The following ANO2 variants were observed in gnomAD, a reference collection of about 807,000 sequenced individuals.
The protein encoded by ANO2 is anoctamin-2.
In ANO2, 101 loss-of-function variants were observed where a neutral mutation model predicts 124.2. The ratio of observed to expected loss-of-function variants is 0.81; its 90% CI spans 0.69 to 0.96. ANO2 has a LOEUF of 0.96. Among genes scored for constraint, ANO2 ranks in the 40% least tolerant of loss-of-function variants. The probability of loss-of-function intolerance (pLI) is 0.00; values close to 1 mark genes in which losing one functional copy is unlikely to be tolerated. For missense variants in ANO2, 1,293 were observed against 1,274.5 expected, an observed-to-expected ratio of 1.01 and a Z score of -0.22; for synonymous variants, 486 against 482.5, an observed-to-expected ratio of 1.01 and a Z score of -0.09.
intron 16 of ANO2, among the ~76,000 whole-genome samples, chr12:5,624,284 G>GAGACAGAC (rs1174221851): frequency 6.6e-6 from 1 of 151,954 alleles, no homozygotes; most frequent in Non-Finnish European, 1.5e-5. Context: ...GACAGACAGA[G>GAGACAGAC]AGACAGACAG....
Position 5,925,627 on chromosome 12 carries a change from A to G in ANO2, c.23-2823T>C, listed in dbSNP as rs115267427. 7.2e-5 allele frequency among the ~76,000 whole-genome samples: 11 copies of G among 152,358 alleles called. No homozygotes were observed. The highest frequency in any genetic ancestry group is 2.6e-4 in the African/African-American group (11 of 41,596). ...TTGAGAACTCCCTAAGAAGCTTAGA[A>G]GAGGTGAATGAGGTCAATTAGAAGG... On this transcript the variant is annotated intron_variant, in intron 1 of 24. Coordinates refer to ENST00000682330, the MANE Select transcript of ANO2 (RefSeq NM_001364791.2). The surrounding 1 kb of genome is among the most constrained non-coding windows in gnomAD (Gnocchi z 4.6).
intron 14 of ANO2, among the ~76,000 whole-genome samples, chr12:5,675,004 CT>C (rs1948171078): frequency 6.6e-6 from 1 of 152,114 alleles, no homozygotes; most frequent in Non-Finnish European, 1.5e-5. Flanking sequence ...ACTCTGCAGC[CT>C]TACTGGAATG....
chr12:5,923,613 AG>A (rs1941941725), intron 1 of ANO2, among the ~76,000 whole-genome samples: 1 of 152,178 alleles, frequency 6.6e-6, no homozygotes, highest in African/African-American at 2.4e-5. Flanking sequence ...CAGGCCCCAG[AG>A]GTCTGCAGCC....
intron 10 of ANO2, among the ~76,000 whole-genome samples, chr12:5,798,510 G>A (rs1952940571): frequency 6.6e-6 from 1 of 152,126 alleles, no homozygotes; most frequent in Non-Finnish European, 1.5e-5. Context: ...TCCCAGCCCA[G>A]GGCAACCAGC....
intron 10 of ANO2, among the ~76,000 whole-genome samples, chr12:5,776,578 A>C (rs756542354): frequency 6.6e-6 from 1 of 152,218 alleles, no homozygotes; most frequent in Non-Finnish European, 1.5e-5. Context: ...GCTGATGTGC[A>C]TGAGAGACAT....
intron 20 of ANO2, among the ~76,000 whole-genome samples, chr12:5,596,230 C>T (rs1208009041): frequency 6.6e-6 from 1 of 152,046 alleles, no homozygotes; most frequent in Non-Finnish European, 1.5e-5. Context: ...GTTAAATAAG[C>T]CTTCACTGGA....
At chr12:5,745,827 A>G (rs1257010045) in intron 11 of ANO2, among the ~76,000 whole-genome samples, 1 of 152,210 alleles carries the variant, frequency 6.6e-6, no homozygotes, top group Non-Finnish European at 1.5e-5. Context: ...TTAATAATAC[A>G]TTCAGCTGTG....
At chr12:5,580,965 C>T (rs1397211257) in intron 20 of ANO2, among the ~76,000 whole-genome samples, 1 of 152,100 alleles carries the variant, frequency 6.6e-6, no homozygotes, top group African/African-American at 2.4e-5. Context: ...TGGCCAACAA[C>T]GATTGGAGGG....
chr12:5,816,116 C>T (rs961569870), intron 7 of ANO2, among the ~76,000 whole-genome samples: 1 of 150,788 alleles, frequency 6.6e-6, no homozygotes, highest in African/African-American at 2.4e-5. Context: ...CCTACGATTC[C>T]AAATCCAGTC....
At chr12:5,922,123 C>T (rs1049731837) in intron 2 of ANO2, among the ~76,000 whole-genome samples, 1 of 151,992 alleles carries the variant, frequency 6.6e-6, no homozygotes, top group Non-Finnish European at 1.5e-5. Context: ...CTGCTGTCTT[C>T]CACTCCAGAG....
chr12:5,581,954 G>A (rs931063323), intron 20 of ANO2, among the ~76,000 whole-genome samples: 1 of 152,196 alleles, frequency 6.6e-6, no homozygotes, highest in Non-Finnish European at 1.5e-5. Context: ...ATTTGGGGGA[G>A]AATAAAACAT....
At chr12:5,614,684 G>C (rs1175883843) in intron 17 of ANO2, among the ~76,000 whole-genome samples, 2 of 152,126 alleles carry the variant, frequency 1.3e-5, no homozygotes, top group African/African-American at 4.8e-5. Flanking sequence ...GTGAATTATT[G>C]AATCTGATGG....
At chr12:5,926,255 T>C (rs1591802847) in intron 1 of ANO2, among the ~76,000 whole-genome samples, 1 of 152,184 alleles carries the variant, frequency 6.6e-6, no homozygotes, top group East Asian at 1.9e-4. Context: ...CACCCTTCCA[T>C]GAGTCCCACC....
intron 7 of ANO2, among the ~76,000 whole-genome samples, chr12:5,812,023 C>T (rs1384486051): frequency 6.6e-6 from 1 of 150,976 alleles, no homozygotes; most frequent in Non-Finnish European, 1.5e-5. Context: ...TAAACACCAC[C>T]CCCCAAAAGA....
chr12:5,795,420 T>A (rs1591626550), intron 10 of ANO2, among the ~76,000 whole-genome samples: 1 of 152,082 alleles, frequency 6.6e-6, no homozygotes. Context: ...CAGGAACAGG[T>A]GGGAGTGAGT....
chr12:5,803,212 C>T (rs1233423928), intron 9 of ANO2, among the ~76,000 whole-genome samples: 2 of 152,190 alleles, frequency 1.3e-5, no homozygotes, highest in Non-Finnish European at 2.9e-5. Flanking sequence ...AGATGCCACA[C>T]TGACCTATTC....
intron 15 of ANO2, among the ~76,000 whole-genome samples, chr12:5,637,363 G>A (rs922296642): frequency 4.8e-5 from 7 of 147,098 alleles, no homozygotes; most frequent in South Asian, 2.2e-4. Flanking sequence ...GTGTGTGTAC[G>A]TGTGTGTGTA....
intron 15 of ANO2, among the ~76,000 whole-genome samples, chr12:5,640,064 A>AACAC (rs1287386860): frequency 6.6e-6 from 1 of 152,202 alleles, no homozygotes. Context: ...ACTTTAGCTG[A>AACAC]ACACACAGGA....
intron 15 of ANO2, among the ~76,000 whole-genome samples, chr12:5,645,297 G>T (rs1946574009): frequency 6.6e-6 from 1 of 152,154 alleles, no homozygotes; most frequent in Non-Finnish European, 1.5e-5. Flanking sequence ...GTTGAGGCAG[G>T]AGAATCGCTT....
Sources: gnomAD v4.1 joint callset for allele counts (sites outside exome capture counted in the v4.1 genomes callset) on GRCh38, gnomAD v4.1.1 for gene constraint, Gnocchi (gnomAD v3.1) non-coding constraint, MANE v1.5 for transcripts, NCBI Gene and HGNC (gene_info 2026-07-23, HGNC 2026-07-21) for gene names.